SMARCC1: variants seen among roughly 807,000 people sequenced by gnomAD.
The protein encoded by SMARCC1 is SWI/SNF related BAF chromatin remodeling complex subunit C1.
A neutral mutation model predicts 147.4 loss-of-function variants in SMARCC1; 43 were observed. That is an observed-to-expected ratio of 0.29 (90% CI 0.23 to 0.38). The LOEUF is 0.38. SMARCC1 is among the 10% of genes least tolerant of loss of function. SMARCC1 has a pLI of 1.00. For synonymous variants in SMARCC1, 495 were observed against 484.4 expected (o/e 1.02, Z -0.29); for missense variants, 1,119 against 1,381.1 (o/e 0.81, Z 3.01).
At chr3:47,753,967 A>G (rs1485693584) in intron 2 of SMARCC1, among the ~76,000 whole-genome samples, 2 of 152,266 alleles carry the variant, frequency 1.3e-5, no homozygotes, top group East Asian at 3.9e-4. Context: ...AAATTCCAGA[A>G]TTCTTATACC....
chr3:47,736,068 G>T lies in SMARCC1; in HGVS notation c.542C>A (p.Ala181Asp). The change falls in exon 5 of 28, where the codon GCT becomes GAT. Residue 181 changes from alanine (A) to aspartate (D), a missense_variant. Physicochemically the swap from Ala to Asp is moderately radical, Grantham distance 126. Transcript: ENST00000254480. ...TTTGATGATATCTTTCAATTTGTTA[G>T]CCAACTTCAGATCAATGTCTGGAAT... ...YLIPDIDLKL[A>D]NKLKDIIKRH... 1 of 1,599,428 alleles carries T rather than the reference G, an allele frequency of 6.3e-7. No individual in the cohort carries two copies. The highest frequency in any genetic ancestry group is 8.5e-7 in the Non-Finnish European group (1 of 1,171,182).
intron 6 of SMARCC1, among the ~76,000 whole-genome samples, chr3:47,727,986 CT>C (rs1328118947): frequency 6.6e-6 from 1 of 152,008 alleles, no homozygotes; most frequent in African/African-American, 2.4e-5. Flanking sequence ...TCTCAAACTC[CT>C]GACCTCAAGT....
chr3:47,659,360 T>C (rs1030234444), intron 21 of SMARCC1, among the ~76,000 whole-genome samples: 1 of 149,594 alleles, frequency 6.7e-6, no homozygotes, highest in Non-Finnish European at 1.5e-5. Context: ...CAAAACTAGA[T>C]AAAGATATCA....
At chr3:47,668,531 C>A (rs948744301) in intron 19 of SMARCC1, among the ~76,000 whole-genome samples, 1 of 152,066 alleles carries the variant, frequency 6.6e-6, no homozygotes, top group Non-Finnish European at 1.5e-5. Flanking sequence ...ATGAACATAA[C>A]CAGATATTAA....
At chr3:47,686,785 G>C (rs2033729269) in intron 13 of SMARCC1, among the ~76,000 whole-genome samples, 1 of 151,988 alleles carries the variant, frequency 6.6e-6, no homozygotes, top group African/African-American at 2.4e-5. Context: ...AAAAGATCAG[G>C]ACCAGCCTGG....
chr3:47,657,914 T>C (rs1388107758), intron 21 of SMARCC1, among the ~76,000 whole-genome samples: 2 of 152,064 alleles, frequency 1.3e-5, no homozygotes, highest in African/African-American at 4.8e-5. Flanking sequence ...GGGAAATTTA[T>C]ACAGCTGTAA....
At chr3:47,719,385 G>A (rs924601376) in intron 7 of SMARCC1, among the ~76,000 whole-genome samples, 5 of 151,944 alleles carry the variant, frequency 3.3e-5, no homozygotes, top group Non-Finnish European at 7.4e-5. Flanking sequence ...TAGTGGTTTC[G>A]CATAAGTAGT....
rs558637901 is a variant in SMARCC1 at position 47,655,411 on chromosome 3, A to G, written c.2320+5883T>C. On this transcript the variant is annotated intron_variant, in intron 21 of 27. Transcript: ENST00000254480. Reference sequence around the variant, plus strand: ...GAGACACTGTCTCAAAAAAAATAATAATAGGCCAGGCACGGTGGCCCACGT... The same window carrying G: ...GAGACACTGTCTCAAAAAAAATAATGATAGGCCAGGCACGGTGGCCCACGT... Among the ~76,000 whole-genome samples, 5 of 152,020 alleles carry G rather than the reference A, an allele frequency of 3.3e-5. No homozygotes were observed. In the East Asian group the frequency reaches 9.7e-4, roughly 29 times the overall value.
Position 47,636,053 on chromosome 3 carries a change from C to A in SMARCC1, c.2460G>T (p.Gln820His). 6.3e-7 allele frequency: 1 copy of A among 1,598,022 alleles called. No homozygotes were observed. Among genetic ancestry groups the A allele is most frequent in the Non-Finnish European group, 8.6e-7 (1 of 1,166,026 alleles). ...TGGTATCCTCACTCACTTCACTATC[C>A]TGTTCCTTTTCACTATTTTTTTCAT... ...GENEKNSEKE[Q>H]DSEVSEDTKS... Residue 820 changes from glutamine to histidine, a missense_variant, in exon 23 of 28, where the codon CAG (glutamine) becomes CAT (histidine). By Grantham distance (24) the Gln-to-His change is conservative (BLOSUM62 0). Around this residue, in one of 6 missense-constraint regions of SMARCC1, gnomAD observed 157 missense variants for 158.6 expected, o/e 0.99. Transcript: ENST00000254480.
chr3:47,751,101 T>C (rs1011148716), intron 2 of SMARCC1, among the ~76,000 whole-genome samples: 4 of 151,808 alleles, frequency 2.6e-5, no homozygotes, highest in African/African-American at 9.7e-5. Context: ...TTTCACCAGG[T>C]TGGCCAGGCT....
At chr3:47,678,703 C>T (rs2033602667) in intron 15 of SMARCC1, among the ~76,000 whole-genome samples, 1 of 152,200 alleles carries the variant, frequency 6.6e-6, no homozygotes, top group Admixed American at 6.5e-5. Context: ...CAATTGAATC[C>T]TCATAATCGC....
At chr3:47,622,536 T>G (rs1489254246) in intron 24 of SMARCC1, among the ~76,000 whole-genome samples, 195 bp from the exon 25 acceptor site, 1 of 152,090 alleles carries the variant, frequency 6.6e-6, no homozygotes, top group Non-Finnish European at 1.5e-5. Context: ...CTTAAAAGAT[T>G]AAAGGAAATG....
chr3:47,594,160 C>CA (rs35893415), intron 26 of SMARCC1, among the ~76,000 whole-genome samples: 47,778 of 133,246 alleles, frequency 0.36, 8,380 homozygotes, highest in South Asian at 0.47. Flanking sequence ...AATGAAACTC[C>CA]AAAAAAAAAA....
chr3:47,718,270 T>G (rs2034183877), intron 7 of SMARCC1, among the ~76,000 whole-genome samples: 1 of 148,596 alleles, frequency 6.7e-6, no homozygotes, highest in South Asian at 2.1e-4. Flanking sequence ...CATGGCAAAA[T>G]CTCATCTCTA....
chr3:47,706,365 T>C (rs754428576), intron 10 of SMARCC1, 44 bp downstream of exon 10: 1 of 1,461,048 alleles, frequency 6.8e-7, no homozygotes, highest in African/African-American at 1.5e-5. Flanking sequence ...AGCCACCACG[T>C]CCGGCCTGTT....
chr3:47,737,418 T>C (rs1276261720), intron 4 of SMARCC1, among the ~76,000 whole-genome samples: 1 of 151,618 alleles, frequency 6.6e-6, no homozygotes, highest in Non-Finnish European at 1.5e-5. Flanking sequence ...AAAAATAAAA[T>C]AATAAAATAA....
At chr3:47,599,086 G>A (rs954754622) in intron 26 of SMARCC1, among the ~76,000 whole-genome samples, 2 of 151,982 alleles carry the variant, frequency 1.3e-5, no homozygotes, top group Non-Finnish European at 2.9e-5. Flanking sequence ...CATTTCTCTT[G>A]TTTTAAGTTA....
At chr3:47,743,467 C>T (rs965049240) in intron 3 of SMARCC1, among the ~76,000 whole-genome samples, 1 of 151,970 alleles carries the variant, frequency 6.6e-6, no homozygotes, top group African/African-American at 2.4e-5. Context: ...CCACTGCACC[C>T]GGCCTGTATT....
chr3:47,662,670 T>G, intron 19 of SMARCC1, 78 bp from the exon 20 acceptor site: 1 of 1,205,620 alleles, frequency 8.3e-7, no homozygotes, highest in Non-Finnish European at 1.2e-6. Flanking sequence ...TTTAGATAGC[T>G]TTTTTAAAAA....
Sources: gnomAD v4.1 joint callset for allele counts (sites outside exome capture counted in the v4.1 genomes callset) on GRCh38, gnomAD v4.1.1 for gene constraint, gnomAD v4.1.1 regional missense constraint, MANE v1.5 for transcripts, NCBI Gene and HGNC (gene_info 2026-07-23, HGNC 2026-07-21) for gene names.